Variants in COX7B2 observed in about 807,000 individuals in gnomAD.
COX7B2 encodes cytochrome c oxidase subunit 7B2, mitochondrial.
For missense variants in COX7B2, 109 were observed against 95.9 expected, an observed-to-expected ratio of 1.14 and a Z score of -0.57; for synonymous variants, 37 against 32.1, an observed-to-expected ratio of 1.15 and a Z score of -0.51.
chr4:46,823,648 T>C (rs1714461830), intron 2 of COX7B2, among the ~76,000 whole-genome samples: 2 of 151,412 alleles, frequency 1.3e-5, no homozygotes, highest in Admixed American at 1.3e-4. Flanking sequence ...ATTGCTTACA[T>C]TAAAAATAAA....
intron 2 of COX7B2, among the ~76,000 whole-genome samples, chr4:46,832,044 A>G (rs966612708): frequency 5.9e-5 from 9 of 152,338 alleles, no homozygotes; most frequent in African/African-American, 2.2e-4. Context: ...AAAATGGACC[A>G]ATCAGCAGGA....
chr4:46,767,906 A>C (rs986061162), intron 2 of COX7B2, among the ~76,000 whole-genome samples: 1 of 152,242 alleles, frequency 6.6e-6, no homozygotes, highest in Non-Finnish European at 1.5e-5. Flanking sequence ...TGGCTCCCTT[A>C]GTCTGCAGTG....
intron 1 of COX7B2, among the ~76,000 whole-genome samples, chr4:46,845,265 T>C (rs924827422): frequency 1.3e-5 from 2 of 151,956 alleles, no homozygotes; most frequent in African/African-American, 4.8e-5. Context: ...CTTTAAACTT[T>C]TCTCAACCCA....
chr4:46,742,200 T>A (rs1410692858), intron 2 of COX7B2, among the ~76,000 whole-genome samples: 1 of 152,160 alleles, frequency 6.6e-6, no homozygotes, highest in Non-Finnish European at 1.5e-5. Context: ...TTCTGCTGTA[T>A]AAATGAATGA....
chr4:46,819,532 G>A (rs1714122776), intron 2 of COX7B2, among the ~76,000 whole-genome samples: 1 of 138,240 alleles, frequency 7.2e-6, no homozygotes, highest in Non-Finnish European at 1.5e-5. Context: ...AACGATAGCT[G>A]ATGAGCTAAA....
At chr4:46,785,755 T>C (rs1449156677) in intron 2 of COX7B2, among the ~76,000 whole-genome samples, 1 of 152,102 alleles carries the variant, frequency 6.6e-6, no homozygotes, top group African/African-American at 2.4e-5. Context: ...GATCTTCACC[T>C]AACCACATGA....
chr4:46,782,759 C>A (rs569146021), intron 2 of COX7B2, among the ~76,000 whole-genome samples: 1 of 152,138 alleles, frequency 6.6e-6, no homozygotes, highest in Non-Finnish European at 1.5e-5. Flanking sequence ...ACTCAAGATG[C>A]GCTGCCTTTA....
intron 1 of COX7B2, among the ~76,000 whole-genome samples, chr4:46,863,334 TAAGA>T (rs1717446800): frequency 6.6e-6 from 1 of 152,124 alleles, no homozygotes; most frequent in Admixed American, 6.5e-5. Context: ...ACTGGTTATT[TAAGA>T]AAGAGATAGT....
chr4:46,860,837 T>C (rs1274243859), intron 1 of COX7B2, among the ~76,000 whole-genome samples: 1 of 152,154 alleles, frequency 6.6e-6, no homozygotes, highest in Non-Finnish European at 1.5e-5. Flanking sequence ...AGGTCCCCTG[T>C]TGTGAGGGGA....
At chr4:46,794,865 G>A (rs1187851766) in intron 2 of COX7B2, among the ~76,000 whole-genome samples, 1 of 152,136 alleles carries the variant, frequency 6.6e-6, no homozygotes, top group Non-Finnish European at 1.5e-5. Context: ...ATCTGCAGAA[G>A]CAGAAAAGTT....
intron 2 of COX7B2, among the ~76,000 whole-genome samples, chr4:46,821,282 A>G (rs555478767): frequency 1.3e-5 from 2 of 152,366 alleles, no homozygotes; most frequent in South Asian, 4.1e-4. Context: ...GTTAGATAGC[A>G]TAGATAATTT....
rs547362374 is a variant in COX7B2 at position 46,758,247 on chromosome 4, G to C, written c.-49-23006C>G. Reference sequence around the variant, plus strand: ...GTGTATAGCAATTAATATAATTTTAGATATGCTACTTTCTAATGAGGTATA... The same window carrying C: ...GTGTATAGCAATTAATATAATTTTACATATGCTACTTTCTAATGAGGTATA... On this transcript the variant is annotated intron_variant, in intron 2 of 2. Transcript: ENST00000355591. Among the ~76,000 whole-genome samples the C allele has an allele frequency of 1.2e-4, 18 of 145,746 alleles. No homozygotes were observed. In the South Asian group the frequency reaches 4.2e-3, roughly 34 times the overall value.
intron 2 of COX7B2, among the ~76,000 whole-genome samples, chr4:46,738,325 C>T (rs1714490090): frequency 6.6e-6 from 1 of 152,090 alleles, no homozygotes; most frequent in Non-Finnish European, 1.5e-5. Flanking sequence ...CATCCTTTGG[C>T]TATTCCCATA....
chr4:46,877,306 T>C, intron 1 of COX7B2, among the ~76,000 whole-genome samples: 1 of 152,194 alleles, frequency 6.6e-6, no homozygotes, highest in East Asian at 1.9e-4. Flanking sequence ...GACATCTGCG[T>C]CCAAAACCAA....
chr4:46,888,486 C>T (rs1036031288), intron 1 of COX7B2, among the ~76,000 whole-genome samples: 5 of 151,408 alleles, frequency 3.3e-5, no homozygotes, highest in African/African-American at 1.2e-4. Context: ...ATCTGTTGCC[C>T]AGGCTGGAGT....
chr4:46,745,310 C>G (rs1396657364), intron 2 of COX7B2, among the ~76,000 whole-genome samples: 1 of 152,098 alleles, frequency 6.6e-6, no homozygotes, highest in South Asian at 2.1e-4. Flanking sequence ...GAATAAGGCT[C>G]TTGTTATTGC....
At chr4:46,765,443 C>T (rs1027466703) in intron 2 of COX7B2, among the ~76,000 whole-genome samples, 14 of 152,292 alleles carry the variant, frequency 9.2e-5, no homozygotes. Context: ...AACTCTGACT[C>T]TAGGCTAGCC....
intron 1 of COX7B2, among the ~76,000 whole-genome samples, chr4:46,852,204 G>A (rs1163156483): frequency 6.6e-6 from 1 of 151,996 alleles, no homozygotes; most frequent in Non-Finnish European, 1.5e-5. Context: ...AAAGACTCAA[G>A]AGCATTTTGT....
chr4:46,795,519 G>T (rs934001797), intron 2 of COX7B2, among the ~76,000 whole-genome samples: 1 of 143,754 alleles, frequency 7.0e-6, no homozygotes. Flanking sequence ...TAGATATTTG[G>T]CATTATTTCT....
Sources: gnomAD v4.1 joint callset for allele counts (sites outside exome capture counted in the v4.1 genomes callset) on GRCh38, gnomAD v4.1.1 for gene constraint, MANE v1.5 for transcripts, NCBI Gene and HGNC (gene_info 2026-07-23, HGNC 2026-07-21) for gene names.